Variants in MMS22L observed in about 807,000 individuals in gnomAD.
The protein encoded by MMS22L is MMS22 like, DNA repair protein.
Under a neutral mutation model 159.1 loss-of-function variants are expected in MMS22L, and 74 were observed. The observed-to-expected ratio is 0.47, with a 90% CI of 0.39 to 0.56. The LOEUF is 0.56. MMS22L is among the 20% of genes least tolerant of loss of function. MMS22L has a pLI of 0.00. For synonymous variants in MMS22L, 517 were observed against 506.9 expected, an observed-to-expected ratio of 1.02 and a Z score of -0.27; for missense variants, 1,351 against 1,422.1, an observed-to-expected ratio of 0.95 and a Z score of 0.80.
At position 97,142,614 on chromosome 6, in the gene MMS22L, G is replaced by A. The variant is rs1305971203; in HGVS notation, c.*4192C>T. On this transcript the variant is annotated 3_prime_UTR_variant, in exon 25 of 25. Transcript: ENST00000683635. ...TTTAGTACAGATGATTCAACTTTTGGTGAGGTTTCTGTATCTATTTACCTT... is the reference window on the plus strand; with the variant it reads ...TTTAGTACAGATGATTCAACTTTTGATGAGGTTTCTGTATCTATTTACCTT... The A allele has an allele frequency of 1.3e-5, 2 of 152,084 alleles. No homozygotes were observed. The highest frequency in any genetic ancestry group is 6.5e-5 in the Admixed American group (1 of 15,272). The allele number at this position is 152,084 out of a possible 1,614,324, so 9.4% of individuals were successfully genotyped here. A position where few individuals can be genotyped will look rare whatever the true frequency, so the allele number is the denominator to read the frequency against.
chr6:97,280,153 T>C (rs140263309), intron 3 of MMS22L, among the ~76,000 whole-genome samples: 11 of 152,282 alleles, frequency 7.2e-5, no homozygotes, highest in African/African-American at 2.2e-4. Context: ...AAAGGTTTCA[T>C]GGGATGATGG....
chr6:97,246,766 T>G (rs1024869887), intron 10 of MMS22L, 76 bp from the exon 11 acceptor site: 2 of 979,038 alleles, frequency 2.0e-6, no homozygotes, highest in Non-Finnish European at 3.2e-6. Context: ...GTATAGCAAA[T>G]TAAGTGTGCA....
intron 18 of MMS22L, among the ~76,000 whole-genome samples, chr6:97,174,080 C>T (rs1015791241): frequency 1.3e-5 from 2 of 151,632 alleles, no homozygotes; most frequent in Non-Finnish European, 2.9e-5. Context: ...TGGTGAAACC[C>T]CATCTCTACT....
At chr6:97,180,109 CT>C (rs1000356808) in intron 16 of MMS22L, among the ~76,000 whole-genome samples, 6 of 146,892 alleles carry the variant, frequency 4.1e-5, no homozygotes, top group Admixed American at 6.8e-5. Flanking sequence ...TTTTTTTTCT[CT>C]TTTTTTTTTG....
At position 97,229,346 on chromosome 6, in the gene MMS22L, C is replaced by T; in HGVS notation, c.1587G>A (p.Gln529=). The change falls in exon 14 of 25, where the codon CAG becomes CAA. Residue 529 remains glutamine, a synonymous_variant. Transcript: ENST00000683635. The part of the protein sequence containing the change: ...RMEELTEVGL[Q]NFFSLFLLLA... The stretch of plus-strand genomic sequence containing the variant: ...ACAGTAGAAAAAGGCTAAAAAAGTT[C>T]TGTAGACCAACTTCAGTTAGTTCTT... 1 of 1,608,888 alleles carries T rather than the reference C, an allele frequency of 6.2e-7. No individual in the cohort carries two copies. Among genetic ancestry groups the T allele is most frequent in the Non-Finnish European group, 8.5e-7 (1 of 1,177,470 alleles).
Position 97,146,404 on chromosome 6 carries a change from A to G in MMS22L, c.*402T>C, listed in dbSNP as rs1261857632. 1.3e-5 allele frequency: 2 copies of G among 153,710 alleles called. No individual in the cohort carries two copies. The highest frequency in any genetic ancestry group is 4.8e-5 in the African/African-American group (2 of 41,482). 9.5% of individuals were successfully genotyped at this position (153,710 alleles called of 1,614,324 possible). On this transcript the variant is annotated 3_prime_UTR_variant, in exon 25 of 25. Transcript: ENST00000683635. ...TACTTTGAAAAAGTATCATTTTAAA[A>G]CATAACTATTATTGTAAAAATAAAA...
chr6:97,213,041 T>TTG (rs139266677), intron 14 of MMS22L, among the ~76,000 whole-genome samples: 273 of 151,868 alleles, frequency 1.8e-3, no homozygotes, highest in Non-Finnish European at 1.6e-3. Flanking sequence ...CATGAGCACA[T>TTG]TGTGTGTGTG....
intron 14 of MMS22L, among the ~76,000 whole-genome samples, chr6:97,203,364 C>T (rs1562454747): frequency 6.6e-6 from 1 of 152,054 alleles, no homozygotes; most frequent in African/African-American, 2.4e-5. Flanking sequence ...AGACAAAGGG[C>T]TCTAGAGGGT....
chr6:97,167,188 A>C (rs892783353), intron 20 of MMS22L, among the ~76,000 whole-genome samples: 33 of 152,118 alleles, frequency 2.2e-4, no homozygotes, highest in Non-Finnish European at 8.8e-5. Flanking sequence ...AAAGCTGCTC[A>C]GAAACCAATC....
At chr6:97,184,158 A>T (rs1804992565) in intron 15 of MMS22L, among the ~76,000 whole-genome samples, 1 of 152,050 alleles carries the variant, frequency 6.6e-6, no homozygotes, top group Non-Finnish European at 1.5e-5. Context: ...ATCCATCTAT[A>T]GAAACTGAGC....
At chr6:97,221,621 C>T (rs1038341556) in intron 14 of MMS22L, among the ~76,000 whole-genome samples, 1 of 151,882 alleles carries the variant, frequency 6.6e-6, no homozygotes, top group Non-Finnish European at 1.5e-5. Flanking sequence ...TCCTGAAATA[C>T]TAAGATTTAT....
intron 3 of MMS22L, 132 bp from the exon 4 acceptor site, chr6:97,279,030 G>A: frequency 7.9e-6 from 5 of 629,788 alleles, no homozygotes; most frequent in South Asian, 2.5e-5. Context: ...AATACCTTGT[G>A]AATGTTAATT....
At position 97,263,378 on chromosome 6, in the gene MMS22L, A is replaced by T. The variant is rs148759726; in HGVS notation, c.899T>A (p.Leu300His). ...ACTTCTGTGGTCTAGAAGATGAATA[A>T]GTAGAACCCATAATTCTTTAATGCA... Reference protein sequence around the residue: ...CLCIKELWVLLIHLLDHRSKW... With the variant: ...CLCIKELWVLHIHLLDHRSKW... The change falls in exon 9 of 25, where the codon CTT becomes CAT. Residue 300 changes from leucine (L) to histidine (H), a missense_variant. Physicochemically the swap from Leu to His is moderately conservative, Grantham distance 99. Transcript: ENST00000683635. The T allele has an allele frequency of 7.5e-6, 12 of 1,594,088 alleles. No individual in the cohort carries two copies. In the African/African-American group the frequency reaches 1.4e-4, roughly 18 times the overall value.
At chr6:97,195,550 C>T (rs571234995) in intron 14 of MMS22L, among the ~76,000 whole-genome samples, 3 of 152,176 alleles carry the variant, frequency 2.0e-5, no homozygotes, top group African/African-American at 7.2e-5. Context: ...AAATGGTGTT[C>T]CATTTGTTCA....
chr6:97,275,025 A>T (rs1816119640), intron 4 of MMS22L, among the ~76,000 whole-genome samples: 1 of 152,208 alleles, frequency 6.6e-6, no homozygotes, highest in Non-Finnish European at 1.5e-5. Context: ...AAGCCTCAAG[A>T]AGAACCAGTG....
chr6:97,277,494 A>C (rs1401771155), intron 4 of MMS22L, among the ~76,000 whole-genome samples: 1 of 152,082 alleles, frequency 6.6e-6, no homozygotes, highest in African/African-American at 2.4e-5. Context: ...AAACCTCTGT[A>C]ACCATGTCTG....
intron 14 of MMS22L, among the ~76,000 whole-genome samples, chr6:97,203,277 T>C (rs1474063342): frequency 1.3e-5 from 2 of 152,120 alleles, no homozygotes; most frequent in East Asian, 1.9e-4. Flanking sequence ...ATTAACCTTT[T>C]GCTCACAACA....
In MMS22L at chr6:97,162,179, A is replaced by C. The variant is rs1802513698; in HGVS notation, c.3222-14T>G. The C allele has an allele frequency of 2.5e-6, 4 of 1,583,954 alleles. No individual in the cohort carries two copies. The East Asian group carries it at 9.0e-5, about 36-fold the overall frequency. On this transcript the variant is annotated splice_polypyrimidine_tract_variant and intron_variant, in intron 21 of 24. Coordinates refer to ENST00000683635, the MANE Select transcript of MMS22L (RefSeq NM_001350599.2). ...AGGTAGGATTTCCTGAAAAGAAGCA[A>C]AATTTGTTTATTCTCTGCTTAAAGC... is the stretch of plus-strand genomic sequence containing the variant.
At position 97,143,764 on chromosome 6, in the gene MMS22L, C is replaced by G. The variant is rs550783956; in HGVS notation, c.*3042G>C. 3.3e-5 allele frequency: 5 copies of G among 152,054 alleles called. No individual in the cohort carries two copies. Among genetic ancestry groups the G allele is most frequent in the African/African-American group, 1.2e-4 (5 of 41,364 alleles). The allele number at this position is 152,054 out of a possible 1,614,324, so 9.4% of individuals were successfully genotyped here. On this transcript the variant is annotated 3_prime_UTR_variant, in exon 25 of 25. Transcript: ENST00000683635. ...GTAGAAAATGAAAGCAGGAGGTAGT[C>G]TGAGATTTCAGGAGACTCCAACTAC...
Sources: allele counts gnomAD v4.1 joint callset (sites outside exome capture counted in the v4.1 genomes callset), GRCh38; gene constraint gnomAD v4.1.1; transcripts MANE v1.5; gene names NCBI Gene and HGNC (gene_info 2026-07-23, HGNC 2026-07-21).